RARS1: variants seen among roughly 807,000 people sequenced by gnomAD.
The protein encoded by RARS1 is arginine--tRNA ligase, cytoplasmic.
A neutral mutation model predicts 78.7 loss-of-function variants in RARS1; 75 were observed. The observed-to-expected ratio is 0.95, with a 90% confidence interval of 0.79 to 1.15. The LOEUF is 1.15. Among genes scored for constraint, RARS1 ranks in the 50% most tolerant of loss-of-function variants. RARS1 has a pLI of 0.00. For synonymous variants in RARS1, 273 were observed against 268.2 expected (o/e 1.02, Z -0.18); for missense variants, 787 against 787.5 (o/e 1.00, Z 0.01).
chr5:168,513,056 T>G (rs1758595981), intron 12 of RARS1, among the ~76,000 whole-genome samples: 1 of 151,758 alleles, frequency 6.6e-6, no homozygotes, highest in Admixed American at 6.6e-5. Flanking sequence ...TCTTTCCTTT[T>G]TTTTTTTGAG....
chr5:168,510,669 G>A lies in RARS1; in HGVS notation c.1435G>A (p.Glu479Lys). The A allele has an allele frequency of 6.2e-7, 1 of 1,603,174 alleles. No individual in the cohort carries two copies. The highest frequency in any genetic ancestry group is 8.5e-7 in the Non-Finnish European group (1 of 1,175,756). ...GLKRSMDKLK[E>K]KERDKVLTAE... The stretch of plus-strand genomic sequence containing the variant: ...AAAACGATCCATGGACAAGTTGAAG[G>A]AAAAAGAAAGAGACAAGGTAATTCA... The change falls in exon 12 of 15, where the codon GAA becomes AAA. Residue 479 changes from glutamate to lysine, a missense_variant. By Grantham distance (56) the Glu-to-Lys change is moderately conservative. Transcript: ENST00000231572.
chr5:168,495,002 A>T, intron 5 of RARS1: 1 of 258,750 alleles, frequency 3.9e-6, no homozygotes, highest in Non-Finnish European at 7.1e-6. Flanking sequence ...ATGTTGTGTG[A>T]TTTTTTTTTT....
At position 168,506,329 on chromosome 5, in the gene RARS1, A is replaced by G. The variant is rs1010145365; in HGVS notation, c.1236+130A>G. ...AGACTAAGATTCAGGACATCAGTAT[A>G]GCATAGAAGAAAGAAGAGGGTTTGG... On this transcript the variant is annotated intron_variant, in intron 10 of 14. Transcript: ENST00000231572. 1.7e-5 allele frequency: 13 copies of G among 768,912 alleles called. No individual in the cohort carries two copies. In the African/African-American group the frequency reaches 2.0e-4, roughly 12 times the overall value. 47.6% of individuals were successfully genotyped at this position (768,912 alleles called of 1,614,324 possible).
chr5:168,517,001 A>G, intron 13 of RARS1, 51 bp downstream of exon 13: 1 of 1,529,258 alleles, frequency 6.5e-7, no homozygotes, highest in Non-Finnish European at 8.9e-7. Context: ...AAGCATATTT[A>G]GTTACTCAAA....
intron 7 of RARS1, among the ~76,000 whole-genome samples, chr5:168,500,219 A>G (rs1201953730): frequency 6.6e-6 from 1 of 151,458 alleles, no homozygotes; most frequent in Non-Finnish European, 1.5e-5. Flanking sequence ...AAAAAAAAAA[A>G]AAACGAAAAA....
In RARS1 at chr5:168,506,841, G is replaced by A. The variant is rs1403344762; in HGVS notation, c.1346+10G>A. The A allele has an allele frequency of 6.4e-7, 1 of 1,572,018 alleles. No homozygotes were observed. The highest frequency in any genetic ancestry group is 8.8e-7 in the Non-Finnish European group (1 of 1,142,544). On this transcript the variant is annotated intron_variant, in intron 11 of 14. Coordinates refer to ENST00000231572, the MANE Select transcript of RARS1 (RefSeq NM_002887.4). ...TGCTAGGGGAAGACAAGTAAGTCTG[G>A]AAAATCTGAAGATGGTAATGATATA...
intron 12 of RARS1, among the ~76,000 whole-genome samples, chr5:168,513,221 ATT>A (rs35468758): frequency 2.2e-4 from 20 of 91,750 alleles, no homozygotes; most frequent in Non-Finnish European, 1.6e-4. Flanking sequence ...AATTTTTTGT[ATT>A]TTTTTTTTTT....
At chr5:168,490,829 C>T (rs1758066794) in intron 2 of RARS1, among the ~76,000 whole-genome samples, 1 of 152,058 alleles carries the variant, frequency 6.6e-6, no homozygotes, top group African/African-American at 2.4e-5. Flanking sequence ...TGGTGGTACT[C>T]CTATCCTTTA....
At chr5:168,502,361 A>AATATAT (rs891831890) in intron 9 of RARS1, among the ~76,000 whole-genome samples, 1 of 133,580 alleles carries the variant, frequency 7.5e-6, no homozygotes, top group South Asian at 2.3e-4. Flanking sequence ...TATAATAACA[A>AATATAT]ATATATATAT....
intron 7 of RARS1, among the ~76,000 whole-genome samples, chr5:168,500,272 A>G (rs1311931138): frequency 6.6e-6 from 1 of 151,984 alleles, no homozygotes; most frequent in African/African-American, 2.4e-5. Context: ...ATTGGAACAC[A>G]GAAAATTCAG....
Position 168,502,031 on chromosome 5 carries a change from T to C in RARS1, c.983T>C (p.Val328Ala), listed in dbSNP as rs1458735724. The C allele has an allele frequency of 6.3e-7, 1 of 1,597,368 alleles. No individual in the cohort carries two copies. The highest frequency in any genetic ancestry group is 8.5e-7 in the Non-Finnish European group (1 of 1,173,210). Reference sequence around the variant, plus strand: ...AATAAAATCTATGATGCATTGGACGTCTCTTTAATAGAGAGAGGGGAATCC... The same window carrying C: ...AATAAAATCTATGATGCATTGGACGCCTCTTTAATAGAGAGAGGGGAATCC... Reference protein sequence around the residue: ...ELNKIYDALDVSLIERGESFY... With the variant: ...ELNKIYDALDASLIERGESFY... The change falls in exon 9 of 15, where the codon GTC becomes GCC. Residue 328 changes from valine to alanine, a missense_variant. Transcript: ENST00000231572.
At chr5:168,486,648 G>A (rs547081227) in intron 1 of RARS1, 105 bp downstream of exon 1, 12 of 1,244,698 alleles carry the variant, frequency 9.6e-6, no homozygotes, top group Non-Finnish European at 1.4e-5. Context: ...GGACCATCCT[G>A]GTCCTCTCAG....
intron 9 of RARS1, among the ~76,000 whole-genome samples, chr5:168,504,558 G>A (rs6882371): frequency 0.019 from 2,901 of 151,008 alleles, 89 homozygotes; most frequent in African/African-American, 0.067. Context: ...CAGGCCCGGT[G>A]GCTCAGGCTT....
At chr5:168,488,063 C>T in intron 1 of RARS1, 1 of 235,542 alleles carries the variant, frequency 4.2e-6, no homozygotes, top group Non-Finnish European at 8.8e-6. Flanking sequence ...GAGGCATATC[C>T]CATTATATAC....
rs1468901885 is a variant in RARS1 at position 168,513,977 on chromosome 5, A to AGTGATTTTGGAGAT, written c.1453-2801_1453-2800insGTGATTTTGGAGAT. Among the ~76,000 whole-genome samples, 3 of 152,340 alleles carry AGTGATTTTGGAGAT rather than the reference A, an allele frequency of 2.0e-5. No homozygotes were observed. The East Asian group carries it at 5.8e-4, about 29-fold the overall frequency. On this transcript the variant is annotated intron_variant, in intron 12 of 14. Coordinates refer to ENST00000231572, the MANE Select transcript of RARS1 (RefSeq NM_002887.4). ...TTCTTTCAGCATTTTTAGAGATGAC[A>AGTGATTTTGGAGAT]TTCCACAGAACTGGAGAGGACCAGT... is the stretch of plus-strand genomic sequence containing the variant.
At chr5:168,488,157 T>C in intron 1 of RARS1, 1 of 377,044 alleles carries the variant, frequency 2.7e-6, no homozygotes. Flanking sequence ...AAACAGAGTC[T>C]CGCTCTGTCA....
intron 12 of RARS1, among the ~76,000 whole-genome samples, chr5:168,514,559 G>T (rs924812969): frequency 6.6e-6 from 1 of 151,748 alleles, no homozygotes; most frequent in Non-Finnish European, 1.5e-5. Context: ...ATTTTAAAAC[G>T]GTTTTAGACA....
chr5:168,486,945 G>C (rs572614034), intron 1 of RARS1, among the ~76,000 whole-genome samples: 1 of 152,260 alleles, frequency 6.6e-6, no homozygotes, highest in Admixed American at 6.5e-5. Flanking sequence ...CAGCTCAGCC[G>C]CAGTTCTTCC....
intron 14 of RARS1, among the ~76,000 whole-genome samples, chr5:168,518,647 C>G (rs147492921): frequency 2.5e-3 from 384 of 152,230 alleles, no homozygotes; most frequent in African/African-American, 8.8e-3. Context: ...TGTCTTCCCT[C>G]TGTCATATTA....
Sources: gnomAD v4.1 joint callset for allele counts (sites outside exome capture counted in the v4.1 genomes callset) on GRCh38, gnomAD v4.1.1 for gene constraint, MANE v1.5 for transcripts, NCBI Gene and HGNC (gene_info 2026-07-23, HGNC 2026-07-21) for gene names.